The following TJP2 variants were observed in gnomAD, a reference collection of about 807,000 sequenced individuals.
TJP2 encodes tight junction protein 2, also known as Friedreich ataxia region gene X104 (tight junction protein ZO-2).
A neutral mutation model predicts 133.1 loss-of-function variants in TJP2; 91 were observed. The observed-to-expected ratio is 0.68, with a 90% CI of 0.58 to 0.81. TJP2 has a LOEUF of 0.81. Ranked by LOEUF, TJP2 falls within the 40% of genes least tolerant of loss-of-function variation. The pLI, the probability that TJP2 is intolerant of heterozygous loss-of-function variation, is 0.00. For missense variants in TJP2, 1,541 were observed against 1,565.6 expected (o/e 0.98, Z 0.26); for synonymous variants, 592 against 583.4 (o/e 1.01, Z -0.21).
rs774346455 is a variant in TJP2 at position 69,216,391 on chromosome 9, A to G, written c.167A>G (p.His56Arg). The G allele has an allele frequency of 6.2e-7, 1 of 1,613,980 alleles. No homozygotes were observed. Among genetic ancestry groups the G allele is most frequent in the Non-Finnish European group, 8.5e-7 (1 of 1,179,984 alleles). ...IAVSGGRDNP[H>R]FENGETSIVI... The stretch of plus-strand genomic sequence containing the variant: ...GTGTCCGGAGGCAGAGACAACCCCC[A>G]CTTTGAAAATGGAGAAACGTCAATT... The change falls in exon 3 of 23, where the codon CAC becomes CGC. Residue 56 changes from histidine to arginine, a missense_variant. Physicochemically the swap from His to Arg is conservative, Grantham distance 29. Transcript: ENST00000377245.
At chr9:69,179,948 T>C (rs1825376510) in intron 1 of TJP2, among the ~76,000 whole-genome samples, 1 of 152,216 alleles carries the variant, frequency 6.6e-6, no homozygotes, top group African/African-American at 2.4e-5. Flanking sequence ...ATTTTACCTA[T>C]ATGTGTATGT....
At chr9:69,127,182 G>A (rs1289234641) in intron 1 of TJP2, among the ~76,000 whole-genome samples, 1 of 73,072 alleles carries the variant, frequency 1.4e-5, no homozygotes, top group East Asian at 4.1e-4. Flanking sequence ...CCATTCTCCT[G>A]CCTCAGCCTC....
intron 2 of TJP2, among the ~76,000 whole-genome samples, chr9:69,152,250 G>A (rs1435655072): frequency 2.0e-5 from 3 of 152,184 alleles, no homozygotes; most frequent in African/African-American, 4.8e-5. Context: ...TTTAGTGAAA[G>A]AGCTAGGAGC....
In TJP2 at chr9:69,127,073, TC is replaced by T. The variant is rs200670103; in HGVS notation, c.-131+5349del. Reference sequence around the variant, plus strand: ...ATAGGGAGACCCCTGTCTCTCTCTCTCTTTTTTTTTTTTTGAGGCAAAGTCT... The same window carrying T: ...ATAGGGAGACCCCTGTCTCTCTCTCTTTTTTTTTTTTTTGAGGCAAAGTCT... On this transcript the variant is annotated intron_variant, in intron 1 of 5. Coordinates refer to the TJP2 transcript ENST00000423935. 2.9e-3 allele frequency among the ~76,000 whole-genome samples: 163 copies of T among 56,550 alleles called. 54 individuals carry two copies. Among genetic ancestry groups the T allele is most frequent in the African/African-American group, 7.7e-3 (159 of 20,614 alleles). The allele number at this position is 56,550 out of a possible 152,430, so 37.1% of individuals were successfully genotyped here. A position where few individuals can be genotyped will look rare whatever the true frequency, so the allele number is the denominator to read the frequency against.
At position 69,221,066 on chromosome 9, in the gene TJP2, C is replaced by G. The variant is rs1422081981; in HGVS notation, c.522C>G (p.Ser174Arg). The change falls in exon 5 of 23, where the codon AGC (serine) becomes AGG (arginine). Residue 174 changes from serine (S) to arginine (R), a missense_variant. By Grantham distance (110) the Ser-to-Arg change is moderately radical. Coordinates refer to ENST00000377245, the MANE Select transcript of TJP2 (RefSeq NM_004817.4). ...HGGRSRSWED[S>R]PERGRPHERA... ...GGCGCAGCCGCAGCTGGGAGGACAG[C>G]CCGGAAAGGGGGCGTCCCCATGAGC... The G allele has an allele frequency of 5.0e-6, 8 of 1,597,360 alleles. No individual in the cohort carries two copies. The highest frequency in any genetic ancestry group is 6.8e-6 in the Non-Finnish European group (8 of 1,172,610).
chr9:69,219,265 G>T (rs981314402), intron 4 of TJP2, among the ~76,000 whole-genome samples: 1 of 151,680 alleles, frequency 6.6e-6, no homozygotes, highest in Non-Finnish European at 1.5e-5. Context: ...CACCTCACCC[G>T]GCCACATATA....
At chr9:69,217,198 C>G (rs1359127451) in intron 3 of TJP2, among the ~76,000 whole-genome samples, 3 of 152,038 alleles carry the variant, frequency 2.0e-5, no homozygotes, top group African/African-American at 7.2e-5. Flanking sequence ...GCCATGTTGG[C>G]TAGGCTGGTG....
intron 5 of TJP2, among the ~76,000 whole-genome samples, chr9:69,223,086 A>AAG (rs1455875399): frequency 1.7e-5 from 2 of 115,132 alleles, no homozygotes; most frequent in East Asian, 3.9e-4. Context: ...AAAAAAAAAA[A>AAG]AAAAAGAAAC....
In TJP2 at chr9:69,230,334, T is replaced by C. The variant is rs747565575; in HGVS notation, c.1671+102T>C. On this transcript the variant is annotated intron_variant, in intron 11 of 22. Transcript: ENST00000377245. Reference sequence around the variant, plus strand: ...AGACAAAATGGTTCAGCTGGTGAAATAGAGCAGCTGCAAGTTTGTTGATGC... The same window carrying C: ...AGACAAAATGGTTCAGCTGGTGAAACAGAGCAGCTGCAAGTTTGTTGATGC... The C allele has an allele frequency of 3.4e-6, 5 of 1,473,784 alleles. No individual in the cohort carries two copies. The Admixed American group carries it at 5.2e-5, about 15-fold the overall frequency. The allele number at this position is 1,473,784 out of a possible 1,614,324, so 91.3% of individuals were successfully genotyped here. A position where few individuals can be genotyped will look rare whatever the true frequency, so the allele number is the denominator to read the frequency against.
intron 2 of TJP2, among the ~76,000 whole-genome samples, chr9:69,165,795 C>T (rs541683980): frequency 2.1e-4 from 32 of 152,278 alleles, no homozygotes; most frequent in South Asian, 4.1e-4. Context: ...AAGAAGTGCT[C>T]CCTCCTCCAT....
chr9:69,206,105 T>C (rs1258519279), intron 1 of TJP2, among the ~76,000 whole-genome samples: 1 of 152,238 alleles, frequency 6.6e-6, no homozygotes, highest in Non-Finnish European at 1.5e-5. Context: ...GTTAGCTCAC[T>C]TTTAACTTTC....
At chr9:69,175,011 C>T (rs1824973776) in intron 1 of TJP2, among the ~76,000 whole-genome samples, 1 of 150,934 alleles carries the variant, frequency 6.6e-6, no homozygotes, top group African/African-American at 2.4e-5. Flanking sequence ...TACTAGCCTA[C>T]CTGTCACCAG....
intron 5 of TJP2, among the ~76,000 whole-genome samples, chr9:69,223,532 C>T (rs538621984): frequency 1.6e-4 from 24 of 152,344 alleles, no homozygotes; most frequent in African/African-American, 5.8e-4. Context: ...TGGTCTCGAT[C>T]TCCTGACCTC....
chr9:69,254,072 G>T, intron 22 of TJP2, 137 bp from the exon 23 acceptor site: 1 of 1,005,974 alleles, frequency 9.9e-7, no homozygotes. Context: ...GGATGCCCTG[G>T]TTGCTCTGCA....
intron 1 of TJP2, among the ~76,000 whole-genome samples, chr9:69,129,010 G>A (rs1281431113): frequency 1.3e-5 from 2 of 152,208 alleles, no homozygotes; most frequent in African/African-American, 4.8e-5. Flanking sequence ...TCTGGGCCTA[G>A]TGTAATACCT....
chr9:69,234,385 T>C, intron 11 of TJP2, 54 bp from the exon 12 acceptor site: 1 of 1,319,876 alleles, frequency 7.6e-7, no homozygotes, highest in Non-Finnish European at 1.0e-6. Flanking sequence ...TTTCTTTCTT[T>C]CTTTCTTTCT....
At chr9:69,158,052 C>T (rs915941250) in intron 2 of TJP2, among the ~76,000 whole-genome samples, 6 of 151,298 alleles carry the variant, frequency 4.0e-5, no homozygotes, top group African/African-American at 1.5e-4. Flanking sequence ...CGGTGATTCA[C>T]TCCTGTAATC....
intron 2 of TJP2, among the ~76,000 whole-genome samples, chr9:69,156,232 T>C (rs1172795639): frequency 6.6e-6 from 1 of 152,088 alleles, no homozygotes; most frequent in Non-Finnish European, 1.5e-5. Flanking sequence ...GGGTATGTGG[T>C]GTGCACCTGT....
chr9:69,203,606 G>GGTTT (rs1330482251), intron 1 of TJP2, among the ~76,000 whole-genome samples: 1 of 57,584 alleles, frequency 1.7e-5, no homozygotes, highest in Non-Finnish European at 3.7e-5. Flanking sequence ...GCCCAGCCTG[G>GGTTT]ATTTTTTTTT....
Sources: allele counts gnomAD v4.1 joint callset (sites outside exome capture counted in the v4.1 genomes callset), GRCh38; gene constraint gnomAD v4.1.1; transcripts MANE v1.5; gene names NCBI Gene and HGNC (gene_info 2026-07-23, HGNC 2026-07-21).